Variants in SLC25A21 observed in about 807,000 individuals in gnomAD.
SLC25A21 encodes the protein solute carrier family 25 member 21.
SLC25A21 carries 47 observed loss-of-function variants against 43.8 expected under a neutral mutation model. The observed-to-expected ratio is 1.07, with a 90% CI of 0.85 to 1.37. The LOEUF (loss-of-function observed/expected upper bound fraction) is 1.37. SLC25A21 is among the 40% of genes most tolerant of loss of function. The pLI is 0.00. For missense variants in SLC25A21, 352 were observed against 350.2 expected (o/e 1.00, Z -0.04); for synonymous variants, 131 against 121.3 (o/e 1.08, Z -0.52).
intron 2 of SLC25A21, chr14:36,828,645 G>A (rs1888922369): frequency 6.6e-6 from 1 of 152,160 alleles, no homozygotes; most frequent in South Asian, 2.1e-4. Flanking sequence ...AGGATTTTTT[G>A]TTACTGTATT....
chr14:36,906,330 A>T (rs1314361329), intron 1 of SLC25A21, among the ~76,000 whole-genome samples: 1 of 152,182 alleles, frequency 6.6e-6, no homozygotes, highest in Non-Finnish European at 1.5e-5. Flanking sequence ...CCCCCAAATC[A>T]GAGAGAATTC....
At chr14:36,960,975 C>G (rs7149386) in intron 1 of SLC25A21, among the ~76,000 whole-genome samples, 56,257 of 151,972 alleles carry the variant, frequency 0.37, 10,600 homozygotes, top group South Asian at 0.48. Flanking sequence ...TCATGCTGTC[C>G]CCACTGTAAA....
At chr14:37,161,687 A>G (rs12884046) in intron 1 of SLC25A21, among the ~76,000 whole-genome samples, 59,969 of 151,938 alleles carry the variant, frequency 0.39, 12,747 homozygotes, top group African/African-American at 0.56. Flanking sequence ...ACGGCCAGGC[A>G]CGGTGGCTCA....
At chr14:37,043,446 C>G (rs1270546345) in intron 1 of SLC25A21, among the ~76,000 whole-genome samples, 1 of 152,224 alleles carries the variant, frequency 6.6e-6, no homozygotes, top group Non-Finnish European at 1.5e-5. Flanking sequence ...GTGCTACCTG[C>G]AGTCCTCTGT....
At chr14:36,920,505 G>A (rs1891951106) in intron 1 of SLC25A21, among the ~76,000 whole-genome samples, 1 of 151,938 alleles carries the variant, frequency 6.6e-6, no homozygotes. Context: ...TATTGAGAAG[G>A]TGCTGTGTAT....
At chr14:36,826,235 C>T (rs1409845056) in intron 2 of SLC25A21, among the ~76,000 whole-genome samples, 2 of 152,112 alleles carry the variant, frequency 1.3e-5, no homozygotes, top group East Asian at 1.9e-4. Context: ...ACAAGGAGCC[C>T]AATGTAGCAT....
rs113827835 is a variant in SLC25A21, at chr14:36,931,990, T to C, written c.71-56986A>G. Among the ~76,000 whole-genome samples the C allele has an allele frequency of 2.1e-3, 323 of 152,302 alleles. 1 individual carries two copies. Among genetic ancestry groups the C allele is most frequent in the Non-Finnish European group, 4.0e-3 (269 of 68,028 alleles). ...TTACGACACTAGTGTCCATTTGCTA[T>C]GAAATAGTCATGAAATATGATCCTT... On this transcript the variant is annotated intron_variant, in intron 1 of 9. Transcript: ENST00000331299.
intron 1 of SLC25A21, among the ~76,000 whole-genome samples, chr14:37,075,795 A>T (rs1446567986): frequency 1.3e-5 from 2 of 152,226 alleles, no homozygotes; most frequent in African/African-American, 4.8e-5. Context: ...GTAATAACAG[A>T]CAGATGATGG....
intron 1 of SLC25A21, among the ~76,000 whole-genome samples, chr14:37,040,335 A>AAAG (rs1251859065): frequency 0.024 from 1,028 of 42,176 alleles, 407 homozygotes; most frequent in African/African-American, 0.19. Flanking sequence ...AGGGGAAGGA[A>AAAG]GGAAGGAAGG....
intron 1 of SLC25A21, among the ~76,000 whole-genome samples, chr14:36,968,778 C>G (rs1023739064): frequency 1.3e-5 from 2 of 152,222 alleles, no homozygotes; most frequent in African/African-American, 4.8e-5. Context: ...GCTACCCCAA[C>G]AGTGAGACAT....
At chr14:37,020,845 A>C (rs1960969989) in intron 1 of SLC25A21, among the ~76,000 whole-genome samples, 1 of 151,998 alleles carries the variant, frequency 6.6e-6, no homozygotes, top group Non-Finnish European at 1.5e-5. Context: ...TGAGGATATA[A>C]AACAAATTGG....
intron 1 of SLC25A21, among the ~76,000 whole-genome samples, chr14:37,144,080 A>G (rs1261753786): frequency 1.3e-5 from 2 of 152,128 alleles, no homozygotes; most frequent in Non-Finnish European, 2.9e-5. Flanking sequence ...GAGGGCTTAG[A>G]AAAAAATACA....
chr14:36,777,112 G>A (rs11846798), intron 3 of SLC25A21, among the ~76,000 whole-genome samples: 6,797 of 152,144 alleles, frequency 0.045, 505 homozygotes, highest in African/African-American at 0.15. Flanking sequence ...ACAAAAATTA[G>A]CTGGGGGTGG....
At chr14:37,125,479 G>T (rs1293686150) in intron 1 of SLC25A21, among the ~76,000 whole-genome samples, 1 of 152,138 alleles carries the variant, frequency 6.6e-6, no homozygotes, top group Non-Finnish European at 1.5e-5. Context: ...CCCTTCTAAT[G>T]CTAGATTTTA....
At chr14:36,721,818 C>T (rs761547322) in intron 6 of SLC25A21, among the ~76,000 whole-genome samples, 90 of 152,202 alleles carry the variant, frequency 5.9e-4, no homozygotes, top group Non-Finnish European at 1.0e-3. Flanking sequence ...GAAGCATTTC[C>T]TTTGGATAAC....
At chr14:36,732,951 G>T (rs1370858806) in intron 4 of SLC25A21, among the ~76,000 whole-genome samples, 1 of 152,052 alleles carries the variant, frequency 6.6e-6, no homozygotes, top group Non-Finnish European at 1.5e-5. Flanking sequence ...ATATTCAGTT[G>T]CCCAAAAGTT....
intron 1 of SLC25A21, among the ~76,000 whole-genome samples, chr14:37,145,217 A>G (rs1963641617): frequency 6.6e-6 from 1 of 152,080 alleles, no homozygotes; most frequent in African/African-American, 2.4e-5. Flanking sequence ...GGTATCAGGC[A>G]TTAAGACATC....
At chr14:36,705,005 C>T (rs1883447864) in intron 7 of SLC25A21, among the ~76,000 whole-genome samples, 1 of 152,076 alleles carries the variant, frequency 6.6e-6, no homozygotes, top group Non-Finnish European at 1.5e-5. Flanking sequence ...GAAGTTAAAA[C>T]GTCAAGAACT....
intron 2 of SLC25A21, among the ~76,000 whole-genome samples, chr14:36,816,696 G>A (rs1051115870): frequency 3.3e-5 from 5 of 151,854 alleles, no homozygotes; most frequent in East Asian, 1.9e-4. Context: ...TAGAGGTGGC[G>A]TCTCCCCTTC....
Sources: gnomAD v4.1 joint callset for allele counts (sites outside exome capture counted in the v4.1 genomes callset) on GRCh38, gnomAD v4.1.1 for gene constraint, MANE v1.5 for transcripts, NCBI Gene and HGNC (gene_info 2026-07-23, HGNC 2026-07-21) for gene names.